Variants in TENM3 observed in about 807,000 individuals in gnomAD.
TENM3 encodes teneurin-3.
TENM3 carries 63 observed loss-of-function variants against 255.1 expected under a neutral mutation model. The observed-to-expected ratio is 0.25, with a 90% CI of 0.20 to 0.30. The LOEUF is 0.30. Among genes scored for constraint, TENM3 ranks in the 10% least tolerant of loss-of-function variants. The pLI, the probability that TENM3 is intolerant of heterozygous loss-of-function variation, is 1.00. For synonymous variants in TENM3, 1,306 were observed against 1,322.3 expected, an observed-to-expected ratio of 0.99 and a Z score of 0.27; for missense variants, 2,929 against 3,461.1, an observed-to-expected ratio of 0.85 and a Z score of 3.86.
chr4:181,598,449 C>G, the TENM3 span, among the ~76,000 whole-genome samples: 3 of 151,962 alleles, frequency 2.0e-5, no homozygotes, highest in Non-Finnish European at 4.4e-5. Context: ...TCATTTTTTC[C>G]CCTAACCCCC....
At chr4:182,550,944 G>A (rs1029792429) in intron 3 of TENM3, among the ~76,000 whole-genome samples, 2 of 152,142 alleles carry the variant, frequency 1.3e-5, no homozygotes. Context: ...TCCTTGGCTG[G>A]GAGCAGTGGC....
chr4:181,608,858 C>T, the TENM3 span, among the ~76,000 whole-genome samples: 1 of 152,188 alleles, frequency 6.6e-6, no homozygotes, highest in Non-Finnish European at 1.5e-5. Context: ...CTTCAAAAAG[C>T]ATGTGCTATT....
the TENM3 span, among the ~76,000 whole-genome samples, chr4:181,479,177 T>A: frequency 6.6e-6 from 1 of 152,220 alleles, no homozygotes; most frequent in African/African-American, 2.4e-5. Flanking sequence ...AATATGGTTA[T>A]TTTAAACAGT....
chr4:181,818,833 C>G, the TENM3 span, among the ~76,000 whole-genome samples: 1 of 152,152 alleles, frequency 6.6e-6, no homozygotes, highest in Non-Finnish European at 1.5e-5. Context: ...AAACTCCTGA[C>G]CTCGGGTGAT....
intron 18 of TENM3, among the ~76,000 whole-genome samples, chr4:182,742,432 G>A (rs1018621591): frequency 2.6e-5 from 4 of 152,142 alleles, no homozygotes; most frequent in Admixed American, 2.0e-4. Context: ...TTGAATAACC[G>A]CATGTATATG....
chr4:181,838,705 G>A, the TENM3 span, among the ~76,000 whole-genome samples: 34 of 152,018 alleles, frequency 2.2e-4, no homozygotes, highest in Non-Finnish European at 4.4e-4. Context: ...GTATTCGTGT[G>A]AATCTAATAT....
the TENM3 span, among the ~76,000 whole-genome samples, chr4:181,912,327 A>G: frequency 6.6e-6 from 1 of 152,252 alleles, no homozygotes; most frequent in African/African-American, 2.4e-5. Flanking sequence ...CTTAAAATCT[A>G]GAGAATATGA....
chr4:182,576,788 A>C (rs1744964750), intron 3 of TENM3, among the ~76,000 whole-genome samples: 2 of 152,124 alleles, frequency 1.3e-5, no homozygotes. Flanking sequence ...CCACATACAC[A>C]CAGCCTCCAC....
the TENM3 span, among the ~76,000 whole-genome samples, chr4:181,910,517 G>A: frequency 5.4e-5 from 8 of 147,680 alleles, no homozygotes; most frequent in South Asian, 2.1e-4. Context: ...CAGCCTGAGC[G>A]ATAGAGCAAG....
At chr4:181,923,701 G>A in the TENM3 span, among the ~76,000 whole-genome samples, 1 of 152,182 alleles carries the variant, frequency 6.6e-6, no homozygotes, top group Non-Finnish European at 1.5e-5. Context: ...AAAGGCAACA[G>A]TGTGAGTGAG....
chr4:181,584,764 A>T, the TENM3 span, among the ~76,000 whole-genome samples: 9 of 152,072 alleles, frequency 5.9e-5, no homozygotes, highest in Admixed American at 5.9e-4. Flanking sequence ...TTACAATTGC[A>T]CCTCATTGTT....
At chr4:181,718,123 G>C in the TENM3 span, among the ~76,000 whole-genome samples, 1 of 152,168 alleles carries the variant, frequency 6.6e-6, no homozygotes, top group African/African-American at 2.4e-5. Flanking sequence ...ATTACATTCA[G>C]TTAAATATTT....
chr4:181,489,566 T>C, the TENM3 span, among the ~76,000 whole-genome samples: 1 of 152,234 alleles, frequency 6.6e-6, no homozygotes, highest in African/African-American at 2.4e-5. Flanking sequence ...TCTCACTGTT[T>C]ATTTTAAGAA....
chr4:181,830,843 C>T, the TENM3 span, among the ~76,000 whole-genome samples: 1 of 151,146 alleles, frequency 6.6e-6, no homozygotes, highest in African/African-American at 2.4e-5. Context: ...GTAGGTCGCT[C>T]CTGTAATGTT....
chr4:182,485,116 G>A (rs1420349402), intron 3 of TENM3, among the ~76,000 whole-genome samples: 1 of 152,088 alleles, frequency 6.6e-6, no homozygotes, highest in Admixed American at 6.6e-5. Flanking sequence ...CTGAAAAATT[G>A]TGGTATGGTA....
At chr4:181,501,503 C>G in the TENM3 span, among the ~76,000 whole-genome samples, 1 of 152,000 alleles carries the variant, frequency 6.6e-6, no homozygotes, top group Non-Finnish European at 1.5e-5. Flanking sequence ...CTCAGCCTCC[C>G]AAGTAGTGGG....
At chr4:182,076,538 C>G in the TENM3 span, among the ~76,000 whole-genome samples, 6 of 152,310 alleles carry the variant, frequency 3.9e-5, no homozygotes, top group Non-Finnish European at 8.8e-5. Context: ...CCAGTGACCA[C>G]CTGATCCTTC....
chr4:181,627,735 T>C, the TENM3 span, among the ~76,000 whole-genome samples: 1 of 152,344 alleles, frequency 6.6e-6, no homozygotes, highest in South Asian at 2.1e-4. Context: ...CGGTCTATCA[T>C]TGATGGACAT....
the TENM3 span, among the ~76,000 whole-genome samples, chr4:181,514,321 G>C: frequency 5.3e-5 from 8 of 152,096 alleles, no homozygotes; most frequent in South Asian, 2.1e-4. Flanking sequence ...GACTTACTCT[G>C]TGCCTACCTC....
Sources: allele counts gnomAD v4.1 joint callset (sites outside exome capture counted in the v4.1 genomes callset), GRCh38; gene constraint gnomAD v4.1.1; transcripts MANE v1.5; gene names NCBI Gene and HGNC (gene_info 2026-07-23, HGNC 2026-07-21).